Variants in PROB1 observed in about 807,000 individuals in gnomAD.
The protein encoded by PROB1 is proline rich basic protein 1.
For synonymous variants in PROB1, 660 were observed against 699.3 expected, an observed-to-expected ratio of 0.94 and a Z score of 0.89; for missense variants, 1,453 against 1,485.7, an observed-to-expected ratio of 0.98 and a Z score of 0.36.
In PROB1 at chr5:139,391,697, TG is replaced by T. The variant is rs142654176; in HGVS notation, c.*336del. The stretch of plus-strand genomic sequence containing the variant: ...CACAGCACCTCCTCTGATCGGCTCC[TG>T]GGGACAAGCCCAGGGATGCCTCACT... On this transcript the variant is annotated 3_prime_UTR_variant, in exon 1 of 1. Coordinates refer to ENST00000434752, the MANE Select transcript of PROB1 (RefSeq NM_001161546.2). The surrounding 1 kb of genome is among the most constrained non-coding windows in gnomAD (Gnocchi z 4.8). 1,885 of 219,154 alleles carry T rather than the reference TG, an allele frequency of 8.6e-3. 15 individuals carry two copies. The highest frequency in any genetic ancestry group is 0.012 in the Non-Finnish European group (1,335 of 111,592). The allele number at this position is 219,154 out of a possible 1,614,324, so 13.6% of individuals were successfully genotyped here.
rs1231876812 is a variant in PROB1, at chr5:139,393,208, C to T, written c.1874G>A (p.Arg625Gln). Residue 625 changes from arginine (R) to glutamine (Q), a missense_variant, in exon 1 of 1, where the codon CGA (arginine) becomes CAA (glutamine). Coordinates refer to ENST00000434752, the MANE Select transcript of PROB1 (RefSeq NM_001161546.2). The part of the protein sequence containing the change: ...GRPRMAIPRP[R>Q]DVRKLVKTTY... ...GGTCTTCACCAACTTGCGCACGTCT[C>T]GAGGCCGCGGAATGGCCATGCGCGG... The T allele has an allele frequency of 3.9e-6, 6 of 1,549,352 alleles. No homozygotes were observed. In the South Asian group the frequency reaches 7.1e-5, roughly 18 times the overall value.
rs1228915323 is a variant in PROB1 at position 139,393,063 on chromosome 5, G to T, written c.2019C>A (p.Pro673=). The T allele has an allele frequency of 2.6e-6, 4 of 1,530,464 alleles. No individual in the cohort carries two copies. The highest frequency in any genetic ancestry group is 3.5e-6 in the Non-Finnish European group (4 of 1,137,932). The allele number at this position is 1,530,464 out of a possible 1,614,324, so 94.8% of individuals were successfully genotyped here. ...CGGAAGTGTAGTGAGCCGGGGCGGG[G>T]GGCCCCAGTGCTGGCGGCTCTTGCG... ...SKTQEPPALG[P]PAPAHYTSVF... is the part of the protein sequence containing the mutation. Residue 673 remains proline, a synonymous_variant, in exon 1 of 1, where the codon CCC becomes CCA. Coordinates refer to ENST00000434752, the MANE Select transcript of PROB1 (RefSeq NM_001161546.2).
rs897382811 is a variant in PROB1 at position 139,394,551 on chromosome 5, C to G, written c.531G>C (p.Gly177=). ...WATYLELRPR[G]PSPAAPAQFE... is the part of the protein sequence containing the mutation. The stretch of plus-strand genomic sequence containing the variant: ...ACTGCGCTGGGGCGGCAGGACTTGG[C>G]CCACGGGGCCGCAGCTCTAGGTAGG... The change falls in exon 1 of 1, where the codon GGG becomes GGC. Residue 177 remains glycine (G), a synonymous_variant. Transcript: ENST00000434752. 5 of 1,498,872 alleles carry G rather than the reference C, an allele frequency of 3.3e-6. No individual in the cohort carries two copies. The African/African-American group carries it at 7.2e-5, about 21-fold the overall frequency. The allele number at this position is 1,498,872 out of a possible 1,614,324, so 92.8% of individuals were successfully genotyped here.
rs961737016 is a variant in PROB1, at chr5:139,393,401, C to A, written c.1681G>T (p.Glu561Ter). 1.9e-6 allele frequency: 3 copies of A among 1,551,692 alleles called. No individual in the cohort carries two copies. In the South Asian group the frequency reaches 3.6e-5, roughly 18 times the overall value. ...TCCCGCGTGGATGGACTCTGCATCT[C>A]TGTTGGTTCTGGAGTGCCGGGTGCG... ...PSAPGTPEPT[E>*]MQSPSTREIS... is the part of the protein sequence containing the mutation. Residue 561 changes from glutamate to a stop codon, truncating the protein, a stop_gained, in exon 1 of 1, where the codon GAG becomes TAG. Coordinates refer to ENST00000434752, the MANE Select transcript of PROB1 (RefSeq NM_001161546.2). LOFTEE classifies it low-confidence loss of function (END_TRUNC).
Position 139,394,530 on chromosome 5 carries a change from C to A in PROB1, c.552G>T (p.Ala184=), listed in dbSNP as rs1758660338. 3.4e-6 allele frequency: 5 copies of A among 1,480,774 alleles called. No individual in the cohort carries two copies. Among genetic ancestry groups the A allele is most frequent in the Non-Finnish European group, 4.5e-6 (5 of 1,122,916 alleles). The allele number at this position is 1,480,774 out of a possible 1,614,324, so 91.7% of individuals were successfully genotyped here. A position where few individuals can be genotyped will look rare whatever the true frequency, so the allele number is the denominator to read the frequency against. ...GAGCCACCTCCACACACTCGAACTG[C>A]GCTGGGGCGGCAGGACTTGGCCCAC... ...RPRGPSPAAP[A]QFECVEVALE... The change falls in exon 1 of 1, where the codon GCG becomes GCT. Residue 184 remains alanine (A), a synonymous_variant. Coordinates refer to ENST00000434752, the MANE Select transcript of PROB1 (RefSeq NM_001161546.2).
At position 139,393,907 on chromosome 5, in the gene PROB1, C is replaced by T. The variant is rs1368163192; in HGVS notation, c.1175G>A (p.Ser392Asn). 7.7e-6 allele frequency: 12 copies of T among 1,551,068 alleles called. No homozygotes were observed. In the South Asian group the frequency reaches 1.2e-4, roughly 15 times the overall value. The change falls in exon 1 of 1, where the codon AGC becomes AAC. Residue 392 changes from serine (S) to asparagine (N), a missense_variant. Physicochemically the swap from Ser to Asn is conservative, Grantham distance 46. Transcript: ENST00000434752. ...TGGAGTCTGCCGTGGCGGGGACGGGCTCCTTGGCCTCACAGCCCTACTCGG... is the reference window on the plus strand; with the variant it reads ...TGGAGTCTGCCGTGGCGGGGACGGGTTCCTTGGCCTCACAGCCCTACTCGG... ...EVPSRAVRPR[S>N]PSPPRQTPNG...
Position 139,393,232 on chromosome 5 carries a change from G to A in PROB1, c.1850C>T (p.Pro617Leu), listed in dbSNP as rs1758630666. Residue 617 changes from proline to leucine, a missense_variant, in exon 1 of 1, where the codon CCG (proline) becomes CTG (leucine). By Grantham distance (98) the Pro-to-Leu change is moderately conservative. Transcript: ENST00000434752. ...TCGAGGCCGCGGAATGGCCATGCGC[G>A]GGCGTCCCGAGGCCGCCTCTCCAGG... ...LGPGEAASGR[P>L]RMAIPRPRDV... is the part of the protein sequence containing the mutation. 1.3e-6 allele frequency: 2 copies of A among 1,549,012 alleles called. No homozygotes were observed. The highest frequency in any genetic ancestry group is 1.4e-5 in the African/African-American group (1 of 73,052).
chr5:139,394,825 G>A lies in PROB1; in HGVS notation c.257C>T (p.Ser86Leu), dbSNP rs771011542. ...QNSRQRHGPGSGFPRGPGSGP... is the reference protein window; with the variant it reads ...QNSRQRHGPGLGFPRGPGSGP... ...GGAACCTGGGCCTCGCGGGAAACCC[G>A]AGCCGGGCCCGTGCCGCTGGCGGCT... Residue 86 changes from serine (S) to leucine (L), a missense_variant, in exon 1 of 1, where the codon TCG (serine) becomes TTG (leucine). Physicochemically the swap from Ser to Leu is moderately radical, Grantham distance 145. Coordinates refer to ENST00000434752, the MANE Select transcript of PROB1 (RefSeq NM_001161546.2). The A allele has an allele frequency of 3.0e-5, 46 of 1,530,458 alleles. No individual in the cohort carries two copies. The highest frequency in any genetic ancestry group is 3.8e-5 in the Non-Finnish European group (43 of 1,138,806). 94.8% of individuals were successfully genotyped at this position (1,530,458 alleles called of 1,614,324 possible).
Position 139,392,574 on chromosome 5 carries a change from C to T in PROB1, c.2508G>A (p.Pro836=), listed in dbSNP as rs1245267025. The change falls in exon 1 of 1, where the codon CCG becomes CCA. Residue 836 remains proline (P), a synonymous_variant. Transcript: ENST00000434752. This position sits in a 1 kb window ranked among gnomAD's most constrained non-coding sequence, Gnocchi z 5.8. ...TGCCCGCCAACGCCAGGGGCTCCCG[C>T]GGGAGTGGCGCCTGGACGGCAGCCG... ...EPAAAVQAPL[P]REPLALAGRT... 3 of 1,355,062 alleles carry T rather than the reference C, an allele frequency of 2.2e-6. No homozygotes were observed. Among genetic ancestry groups the T allele is most frequent in the Non-Finnish European group, 2.8e-6 (3 of 1,058,580 alleles). The allele number at this position is 1,355,062 out of a possible 1,614,324, so 83.9% of individuals were successfully genotyped here.
In PROB1 at chr5:139,393,014, C is replaced by G; in HGVS notation, c.2068G>C (p.Val690Leu). The stretch of plus-strand genomic sequence containing the variant: ...GGAGGCTCGTAGGGGTGCGGCACCA[C>G]CGGTAGAAAATCCTTGATGAAAACG... The part of the protein sequence containing the change: ...TSVFIKDFLP[V>L]VPHPYEPPEP... The change falls in exon 1 of 1, where the codon GTG (valine) becomes CTG (leucine). Residue 690 changes from valine (V) to leucine (L), a missense_variant. By Grantham distance (32) the Val-to-Leu change is conservative (BLOSUM62 1). Coordinates refer to ENST00000434752, the MANE Select transcript of PROB1 (RefSeq NM_001161546.2). The G allele has an allele frequency of 6.6e-7, 1 of 1,522,238 alleles. No homozygotes were observed. Among genetic ancestry groups the G allele is most frequent in the Non-Finnish European group, 8.8e-7 (1 of 1,132,904 alleles). The allele number at this position is 1,522,238 out of a possible 1,614,324, so 94.3% of individuals were successfully genotyped here. A position where few individuals can be genotyped will look rare whatever the true frequency, so the allele number is the denominator to read the frequency against.
Position 139,394,426 on chromosome 5 carries a change from G to C in PROB1, c.656C>G (p.Pro219Arg), listed in dbSNP as rs1465082405. The C allele has an allele frequency of 7.2e-7, 1 of 1,395,632 alleles. No homozygotes were observed. Among genetic ancestry groups the C allele is most frequent in the Non-Finnish European group, 9.2e-7 (1 of 1,083,880 alleles). The allele number at this position is 1,395,632 out of a possible 1,614,324, so 86.5% of individuals were successfully genotyped here. The change falls in exon 1 of 1, where the codon CCC becomes CGC. Residue 219 changes from proline to arginine, a missense_variant. Transcript: ENST00000434752. Reference sequence around the variant, plus strand: ...GCGCGGCGCGCCGGCCGCCCTTGGGGGACTCTGGGGCCGGGGGCGCAGCTC... The same window carrying C: ...GCGCGGCGCGCCGGCCGCCCTTGGGCGACTCTGGGGCCGGGGGCGCAGCTC... ...QIELRPRPQS[P>R]PRAAGAPRPR...
Position 139,394,442 on chromosome 5 carries a change from G to C in PROB1, c.640C>G (p.Pro214Ala), listed in dbSNP as rs976581721. 1.4e-6 allele frequency: 2 copies of C among 1,396,110 alleles called. No homozygotes were observed. The highest frequency in any genetic ancestry group is 1.8e-6 in the Non-Finnish European group (2 of 1,083,830). 86.5% of individuals were successfully genotyped at this position (1,396,110 alleles called of 1,614,324 possible). ...GCCCTTGGGGGACTCTGGGGCCGGG[G>C]GCGCAGCTCGATCTGACGCTTGGGC... ...TVPKRQIELR[P>A]RPQSPPRAAG... Residue 214 changes from proline (P) to alanine (A), a missense_variant, in exon 1 of 1, where the codon CCC becomes GCC. By Grantham distance (27) the Pro-to-Ala change is conservative. Coordinates refer to ENST00000434752, the MANE Select transcript of PROB1 (RefSeq NM_001161546.2).
In PROB1 at chr5:139,393,143, C is replaced by T. The variant is rs987122107; in HGVS notation, c.1939G>A (p.Gly647Arg). The T allele has an allele frequency of 5.2e-5, 80 of 1,543,196 alleles. No homozygotes were observed. Among genetic ancestry groups the T allele is most frequent in the Non-Finnish European group, 6.5e-5 (74 of 1,142,522 alleles). Residue 647 changes from glycine to arginine, a missense_variant, in exon 1 of 1, where the codon GGG becomes AGG. Transcript: ENST00000434752. ...GGGTCGGCAGGAGGCGCAGGCAGCC[C>T]AGAGCCTTGTGCTCCTGCCGGGAAG... is the stretch of plus-strand genomic sequence containing the variant. Reference protein sequence around the residue: ...PGFPAGAQGSGLPAPPADPCG... With the variant: ...PGFPAGAQGSRLPAPPADPCG...
At position 139,393,556 on chromosome 5, in the gene PROB1, C is replaced by T. The variant is rs1758637314; in HGVS notation, c.1526G>A (p.Arg509His). 1.9e-6 allele frequency: 3 copies of T among 1,551,018 alleles called. No individual in the cohort carries two copies. The highest frequency in any genetic ancestry group is 1.4e-5 in the African/African-American group (1 of 73,034). The change falls in exon 1 of 1, where the codon CGT becomes CAT. Residue 509 changes from arginine to histidine, a missense_variant. Transcript: ENST00000434752. ...AGATGGGCCCCAAGTTCCAATAGGA[C>T]GATCTGGAGCCTCCCACGGGAAGAA... Reference protein sequence around the residue: ...PAFFPWEAPDRPIGTWGPSPQ... With the variant: ...PAFFPWEAPDHPIGTWGPSPQ...
Position 139,392,499 on chromosome 5 carries a change from C to T in PROB1, c.2583G>A (p.Arg861=). 2 of 1,359,598 alleles carry T rather than the reference C, an allele frequency of 1.5e-6. No homozygotes were observed. The highest frequency in any genetic ancestry group is 1.9e-6 in the Non-Finnish European group (2 of 1,060,870). 84.2% of individuals were successfully genotyped at this position (1,359,598 alleles called of 1,614,324 possible). ...CTCCCTGGGAGGGGCTTTGCGGGGA[C>T]CGGTCCGTGGGAGGCGCCGAGGCAG... The part of the protein sequence containing the change: ...PRAASAPPTD[R]SPQSPSQGAR... The change falls in exon 1 of 1, where the codon CGG becomes CGA. Residue 861 remains arginine, a synonymous_variant. Coordinates refer to ENST00000434752, the MANE Select transcript of PROB1 (RefSeq NM_001161546.2). The surrounding 1 kb of genome is among the most constrained non-coding windows in gnomAD (Gnocchi z 5.8).
Position 139,393,149 on chromosome 5 carries a change from C to T in PROB1, c.1933G>A (p.Gly645Ser), listed in dbSNP as rs1199805884. 3.1e-5 allele frequency: 48 copies of T among 1,545,616 alleles called. No homozygotes were observed. The highest frequency in any genetic ancestry group is 3.9e-5 in the Non-Finnish European group (45 of 1,144,032). ...YAPGFPAGAQ[G>S]SGLPAPPADP... Reference sequence around the variant, plus strand: ...GCAGGAGGCGCAGGCAGCCCAGAGCCTTGTGCTCCTGCCGGGAAGCCTGGC... The same window carrying T: ...GCAGGAGGCGCAGGCAGCCCAGAGCTTTGTGCTCCTGCCGGGAAGCCTGGC... Residue 645 changes from glycine to serine, a missense_variant, in exon 1 of 1, where the codon GGC (glycine) becomes AGC (serine). Transcript: ENST00000434752.
chr5:139,393,129 A>T lies in PROB1; in HGVS notation c.1953T>A (p.Pro651=). ...AGAQGSGLPA[P]PADPCGEEGG... is the part of the protein sequence containing the mutation. ...CCTCCTCCCCGCAGGGGTCGGCAGG[A>T]GGCGCAGGCAGCCCAGAGCCTTGTG... The change falls in exon 1 of 1, where the codon CCT becomes CCA. Residue 651 remains proline, a synonymous_variant. Coordinates refer to ENST00000434752, the MANE Select transcript of PROB1 (RefSeq NM_001161546.2). The T allele has an allele frequency of 2.0e-6, 3 of 1,530,732 alleles. No individual in the cohort carries two copies. Among genetic ancestry groups the T allele is most frequent in the Non-Finnish European group, 2.6e-6 (3 of 1,135,734 alleles). The allele number at this position is 1,530,732 out of a possible 1,614,324, so 94.8% of individuals were successfully genotyped here.
chr5:139,392,982 C>T lies in PROB1; in HGVS notation c.2100G>A (p.Pro700=). The change falls in exon 1 of 1, where the codon CCG becomes CCA. Residue 700 remains proline, a synonymous_variant. Coordinates refer to ENST00000434752, the MANE Select transcript of PROB1 (RefSeq NM_001161546.2). The surrounding 1 kb of genome is among the most constrained non-coding windows in gnomAD (Gnocchi z 5.8). ...VVPHPYEPPE[P]SFDTVARDAS... ...CGTCCCGGGCGACCGTGTCGAAGGA[C>T]GGTTCAGGAGGCTCGTAGGGGTGCG... 2 of 1,508,408 alleles carry T rather than the reference C, an allele frequency of 1.3e-6. No homozygotes were observed. Among genetic ancestry groups the T allele is most frequent in the South Asian group, 1.3e-5 (1 of 79,054 alleles). The allele number at this position is 1,508,408 out of a possible 1,614,324, so 93.4% of individuals were successfully genotyped here.
rs1444080919 is a variant in PROB1, at chr5:139,390,740, C to G, written c.*1294G>C. 3.3e-5 allele frequency: 5 copies of G among 152,272 alleles called. No homozygotes were observed. The highest frequency in any genetic ancestry group is 7.3e-5 in the Non-Finnish European group (5 of 68,076). 9.4% of individuals were successfully genotyped at this position (152,272 alleles called of 1,614,324 possible). ...CCAGTTGTTCTGATTCGTAGCTCTC[C>G]TAGTCAGCTTCCAGTCCAGGGCAGA... On this transcript the variant is annotated 3_prime_UTR_variant, in exon 1 of 1. Coordinates refer to ENST00000434752, the MANE Select transcript of PROB1 (RefSeq NM_001161546.2).
Sources: gnomAD v4.1 joint callset for allele counts on GRCh38, gnomAD v4.1.1 for gene constraint, Gnocchi (gnomAD v3.1) non-coding constraint, MANE v1.5 for transcripts, NCBI Gene and HGNC (gene_info 2026-07-23, HGNC 2026-07-21) for gene names.